SDK1: variants seen among roughly 807,000 people sequenced by gnomAD.
SDK1 encodes sidekick cell adhesion molecule 1.
In SDK1, 157 loss-of-function variants were observed where a neutral mutation model predicts 245.5. That is an observed-to-expected ratio of 0.64 (90% confidence interval 0.56 to 0.73). SDK1 has a LOEUF of 0.73. Among genes scored for constraint, SDK1 ranks in the 30% least tolerant of loss-of-function variants. The probability of loss-of-function intolerance (pLI) is 0.00; values close to 1 mark genes in which losing one functional copy is unlikely to be tolerated. For missense variants in SDK1, 3,583 were observed against 3,002.3 expected, an observed-to-expected ratio of 1.19 and a Z score of -4.52; for synonymous variants, 1,647 against 1,278.5, an observed-to-expected ratio of 1.29 and a Z score of -6.15.
chr7:3,653,430 C>A (rs1783068737), intron 4 of SDK1, among the ~76,000 whole-genome samples: 1 of 152,000 alleles, frequency 6.6e-6, no homozygotes, highest in South Asian at 2.1e-4. Flanking sequence ...AGGATGGGGG[C>A]CAAGATTGCA....
chr7:3,745,175 T>G (rs147453117), intron 4 of SDK1, among the ~76,000 whole-genome samples: 1 of 152,240 alleles, frequency 6.6e-6, no homozygotes, highest in Non-Finnish European at 1.5e-5. Flanking sequence ...GGTCCTGTGG[T>G]ATCTCAAAGT....
chr7:3,943,751 T>C (rs560413302), intron 5 of SDK1, among the ~76,000 whole-genome samples: 1 of 152,250 alleles, frequency 6.6e-6, no homozygotes, highest in African/African-American at 2.4e-5. Flanking sequence ...ATTCTTTAAA[T>C]GTACTTTTTA....
At chr7:3,919,379 G>A (rs1459667723) in intron 5 of SDK1, among the ~76,000 whole-genome samples, 1 of 152,166 alleles carries the variant, frequency 6.6e-6, no homozygotes, top group African/African-American at 2.4e-5. Context: ...TGCTGCCATG[G>A]GAACCATCTA....
At chr7:3,460,555 T>G (rs188467353) in intron 1 of SDK1, among the ~76,000 whole-genome samples, 49 of 152,304 alleles carry the variant, frequency 3.2e-4, no homozygotes, top group Admixed American at 1.9e-3. Context: ...TCATAATAAT[T>G]TATTTACACC....
intron 1 of SDK1, among the ~76,000 whole-genome samples, chr7:3,497,675 A>G (rs953585665): frequency 5.3e-5 from 8 of 152,228 alleles, no homozygotes; most frequent in Non-Finnish European, 1.0e-4. Flanking sequence ...AGTAAGATGG[A>G]GTAAAAGAGG....
intron 1 of SDK1, among the ~76,000 whole-genome samples, chr7:3,600,308 G>C (rs997402716): frequency 2.6e-5 from 4 of 152,172 alleles, no homozygotes; most frequent in African/African-American, 9.6e-5. Context: ...TAGAAGGGCT[G>C]TGTGAGTGTG....
rs1233568040 is a variant in SDK1 at position 3,879,572 on chromosome 7, G to A, written c.847+57989G>A. Among the ~76,000 whole-genome samples the A allele has an allele frequency of 3.9e-5, 6 of 152,292 alleles. No individual in the cohort carries two copies. The East Asian group carries it at 1.2e-3, about 29-fold the overall frequency. On this transcript the variant is annotated intron_variant, in intron 5 of 44. Transcript: ENST00000404826. ...GGTTCCAATTCTGTACCGGCTCCTG[G>A]CAGCCAGCCACGCTCCCGGTACTCA...
intron 1 of SDK1, among the ~76,000 whole-genome samples, chr7:3,598,979 T>G (rs1033673756): frequency 2.0e-5 from 3 of 152,132 alleles, no homozygotes; most frequent in African/African-American, 7.2e-5. Flanking sequence ...AAGAGAACAG[T>G]TGCTGGGTTG....
At chr7:3,428,935 G>A (rs926054196) in intron 1 of SDK1, among the ~76,000 whole-genome samples, 4 of 152,238 alleles carry the variant, frequency 2.6e-5, no homozygotes, top group African/African-American at 9.6e-5. Flanking sequence ...TGAGAGATCA[G>A]CAGCAGTGGG....
At chr7:3,586,884 A>G (rs1404178430) in intron 1 of SDK1, among the ~76,000 whole-genome samples, 1 of 152,138 alleles carries the variant, frequency 6.6e-6, no homozygotes, top group Non-Finnish European at 1.5e-5. Context: ...CATGTGCTGG[A>G]GCTGTTGTGA....
chr7:3,619,279 G>A (rs768387537), intron 2 of SDK1, 40 bp downstream of exon 2: 1 of 1,567,774 alleles, frequency 6.4e-7, no homozygotes, highest in Non-Finnish European at 8.8e-7. Context: ...CATTTCAGTT[G>A]ATGTGTTTGG....
intron 22 of SDK1, among the ~76,000 whole-genome samples, chr7:4,083,492 C>T (rs978234030): frequency 6.8e-6 from 1 of 148,118 alleles, no homozygotes; most frequent in Non-Finnish European, 1.5e-5. Context: ...ACTGGAAGTT[C>T]ATTGCAAAGA....
chr7:3,879,956 T>C (rs1302175166), intron 5 of SDK1, among the ~76,000 whole-genome samples: 3 of 152,048 alleles, frequency 2.0e-5, no homozygotes, highest in East Asian at 1.9e-4. Flanking sequence ...TTTAATCACT[T>C]GAGATAAAGA....
rs1389540141 is a variant in SDK1, at chr7:4,026,769, C to T, written c.2602+9417C>T. On this transcript the variant is annotated intron_variant, in intron 17 of 44. Coordinates refer to ENST00000404826, the MANE Select transcript of SDK1 (RefSeq NM_152744.4). The surrounding 1 kb of genome is among the most constrained non-coding windows in gnomAD (Gnocchi z 4.1). Reference sequence around the variant, plus strand: ...CAAAACTGCAAGCACCATAACAACGCGAGAACTCAGCCGTGGCCCATAACA... The same window carrying T: ...CAAAACTGCAAGCACCATAACAACGTGAGAACTCAGCCGTGGCCCATAACA... Among the ~76,000 whole-genome samples, 4 of 152,152 alleles carry T rather than the reference C, an allele frequency of 2.6e-5. No homozygotes were observed. Among genetic ancestry groups the T allele is most frequent in the Non-Finnish European group, 4.4e-5 (3 of 68,028 alleles).
At chr7:3,543,040 T>C (rs1311984197) in intron 1 of SDK1, among the ~76,000 whole-genome samples, 1 of 152,222 alleles carries the variant, frequency 6.6e-6, no homozygotes, top group Non-Finnish European at 1.5e-5. Context: ...TATTTTGTTC[T>C]CATCTCCATC....
intron 1 of SDK1, among the ~76,000 whole-genome samples, chr7:3,375,859 T>G (rs946423356): frequency 1.3e-5 from 2 of 152,218 alleles, no homozygotes; most frequent in African/African-American, 4.8e-5. Flanking sequence ...CCTGAATTTC[T>G]GACTCACAGA....
chr7:3,511,799 G>GT (rs11394628), intron 1 of SDK1, among the ~76,000 whole-genome samples: 44,020 of 148,114 alleles, frequency 0.3, 6,857 homozygotes, highest in African/African-American at 0.37. Flanking sequence ...TTTGTTTTTT[G>GT]TTTTTTTTTA....
intron 1 of SDK1, among the ~76,000 whole-genome samples, chr7:3,324,861 C>A (rs1417218519): frequency 6.6e-6 from 1 of 152,120 alleles, no homozygotes; most frequent in Non-Finnish European, 1.5e-5. Flanking sequence ...CTGAAAGTTT[C>A]TTACGTTTGA....
intron 35 of SDK1, among the ~76,000 whole-genome samples, chr7:4,201,000 A>G (rs546271288): frequency 6.6e-6 from 1 of 152,340 alleles, no homozygotes; most frequent in Non-Finnish European, 1.5e-5. Context: ...CAGCTCATGT[A>G]GGGACCTGAA....
Sources: gnomAD v4.1 joint callset for allele counts (sites outside exome capture counted in the v4.1 genomes callset) on GRCh38, gnomAD v4.1.1 for gene constraint, Gnocchi (gnomAD v3.1) non-coding constraint, MANE v1.5 for transcripts, NCBI Gene and HGNC (gene_info 2026-07-23, HGNC 2026-07-21) for gene names.